PKN2: variants seen among roughly 807,000 people sequenced by gnomAD.
PKN2 encodes the protein serine/threonine-protein kinase N2.
Under a neutral mutation model 119.1 loss-of-function variants are expected in PKN2, and 38 were observed. The ratio of observed to expected loss-of-function variants is 0.32; its 90% confidence interval spans 0.25 to 0.42. PKN2 has a LOEUF of 0.42. PKN2 is among the 10% of genes least tolerant of loss of function. The pLI is 1.00. For synonymous variants in PKN2, 390 were observed against 384.9 expected, an observed-to-expected ratio of 1.01 and a Z score of -0.15; for missense variants, 850 against 1,165.1, an observed-to-expected ratio of 0.73 and a Z score of 3.94.
chr1:88,735,931 G>A (rs1668330839), intron 1 of PKN2, among the ~76,000 whole-genome samples: 1 of 151,980 alleles, frequency 6.6e-6, no homozygotes, highest in Non-Finnish European at 1.5e-5. Context: ...CTTCCCATTT[G>A]TCATTCTCAA....
At chr1:88,756,176 G>A (rs532358702) in intron 2 of PKN2, among the ~76,000 whole-genome samples, 1 of 152,098 alleles carries the variant, frequency 6.6e-6, no homozygotes, top group African/African-American at 2.4e-5. Context: ...GATTACAGGT[G>A]TAAGCCACCA....
In PKN2 at chr1:88,804,442, G is replaced by A. The variant is rs1158212770; in HGVS notation, c.1333G>A (p.Ala445Thr). 1 of 1,613,404 alleles carries A rather than the reference G, an allele frequency of 6.2e-7. No homozygotes were observed. The highest frequency in any genetic ancestry group is 1.1e-5 in the South Asian group (1 of 91,050). Reference protein sequence around the residue: ...VYWRDWRSLCAVKFLRLEDFL... With the variant: ...VYWRDWRSLCTVKFLRLEDFL... ...TTGGCGTGATTGGCGGTCTCTGTGT[G>A]CTGTAAAATTTCTGAGGTTAGAAGA... Residue 445 changes from alanine to threonine, a missense_variant, in exon 9 of 22, where the codon GCT becomes ACT. Coordinates refer to ENST00000370521, the MANE Select transcript of PKN2 (RefSeq NM_006256.4).
chr1:88,818,872 C>T (rs145341050), intron 16 of PKN2, among the ~76,000 whole-genome samples: 10,166 of 152,010 alleles, frequency 0.067, 698 homozygotes, highest in African/African-American at 0.18. Context: ...AGAAATAATG[C>T]CACACATCTA....
At chr1:88,688,080 A>G (rs1465152027) in intron 1 of PKN2, among the ~76,000 whole-genome samples, 7 of 90,136 alleles carry the variant, frequency 7.8e-5, no homozygotes, top group Admixed American at 1.5e-4. Flanking sequence ...GTTTCCCACT[A>G]CACTATTCTT....
rs1417823087 is a variant in PKN2, at chr1:88,741,152, A to G, written c.213A>G (p.Lys71=). The change falls in exon 2 of 22, where the codon AAA becomes AAG. Residue 71 remains lysine (K), a synonymous_variant. Coordinates refer to ENST00000370521, the MANE Select transcript of PKN2 (RefSeq NM_006256.4). Reference sequence around the variant, plus strand: ...AAGAAGGAGCTGAAAATCTGAGGAAAGTCACAACAGATAAAAAAAGTTTGG... The same window carrying G: ...AAGAAGGAGCTGAAAATCTGAGGAAGGTCACAACAGATAAAAAAAGTTTGG... ...KIKEGAENLR[K]VTTDKKSLAY... The G allele has an allele frequency of 6.2e-7, 1 of 1,612,324 alleles. No homozygotes were observed. The highest frequency in any genetic ancestry group is 1.3e-5 in the African/African-American group (1 of 74,828).
intron 1 of PKN2, among the ~76,000 whole-genome samples, chr1:88,704,731 T>C (rs1271571723): frequency 1.5e-5 from 2 of 137,234 alleles, no homozygotes; most frequent in Non-Finnish European, 3.0e-5. Context: ...TAGTGAGAGG[T>C]GATTGCCCCT....
rs577293408 is a variant in PKN2 at position 88,714,939 on chromosome 1, T to C, written c.49-26049T>C. On this transcript the variant is annotated intron_variant, in intron 1 of 21. Transcript: ENST00000370521. ...ATAAATAGCTCTTATTATTTTGAGA[T>C]ACGTCCCATCAATACCTAGTTTATT... Among the ~76,000 whole-genome samples, 552 of 152,336 alleles carry C rather than the reference T, an allele frequency of 3.6e-3. 3 individuals are homozygous for C. Among genetic ancestry groups the C allele is most frequent in the African/African-American group, 0.013 (532 of 41,566 alleles).
chr1:88,804,020 G>T (rs1171021556), intron 8 of PKN2, among the ~76,000 whole-genome samples: 3 of 152,146 alleles, frequency 2.0e-5, no homozygotes, highest in Non-Finnish European at 4.4e-5. Flanking sequence ...AAGCATTGGG[G>T]TAGTAACATA....
At chr1:88,696,688 A>G (rs567379136) in intron 1 of PKN2, among the ~76,000 whole-genome samples, 6 of 152,310 alleles carry the variant, frequency 3.9e-5, no homozygotes, top group African/African-American at 7.2e-5. Context: ...TCTAGTATCA[A>G]TATGGCTTCA....
At chr1:88,822,727 C>T (rs1036955731) in intron 17 of PKN2, among the ~76,000 whole-genome samples, 3 of 151,738 alleles carry the variant, frequency 2.0e-5, no homozygotes, top group South Asian at 2.1e-4. Flanking sequence ...TACAGGTGCC[C>T]GCCACCATGC....
chr1:88,794,485 T>C (rs1357965793), intron 8 of PKN2, among the ~76,000 whole-genome samples: 2 of 152,094 alleles, frequency 1.3e-5, no homozygotes, highest in African/African-American at 4.8e-5. Flanking sequence ...AAGCCTGTAG[T>C]CCTAGCTACT....
chr1:88,762,984 C>T (rs1669507656), intron 3 of PKN2, among the ~76,000 whole-genome samples: 1 of 152,050 alleles, frequency 6.6e-6, no homozygotes, highest in Admixed American at 6.5e-5. Context: ...GTAGAATGTA[C>T]TTCTGATAGT....
chr1:88,833,487 G>T lies in PKN2; in HGVS notation c.*39G>T. 1 of 1,536,302 alleles carries T rather than the reference G, an allele frequency of 6.5e-7. No homozygotes were observed. The highest frequency in any genetic ancestry group is 9.0e-7 in the Non-Finnish European group (1 of 1,112,886). ...GCGAAACCAAGCTGACTCACAAGAAGACCTCTTAAAAATAGCAACCCTTCA... is the reference window on the plus strand; with the variant it reads ...GCGAAACCAAGCTGACTCACAAGAATACCTCTTAAAAATAGCAACCCTTCA... On this transcript the variant is annotated 3_prime_UTR_variant, in exon 22 of 22. Transcript: ENST00000370521.
chr1:88,809,637 G>A (rs1394380699), intron 15 of PKN2, among the ~76,000 whole-genome samples: 4 of 152,160 alleles, frequency 2.6e-5, no homozygotes, highest in Non-Finnish European at 5.9e-5. Flanking sequence ...CCAGTCTTGT[G>A]TAGAGACAGG....
intron 1 of PKN2, among the ~76,000 whole-genome samples, chr1:88,734,630 G>A (rs1322445710): frequency 6.6e-6 from 1 of 151,978 alleles, no homozygotes; most frequent in East Asian, 1.9e-4. Context: ...GTAGTATGAT[G>A]CCTCCAGCTT....
chr1:88,717,518 TTC>T (rs1383100857), intron 1 of PKN2, among the ~76,000 whole-genome samples: 5 of 152,040 alleles, frequency 3.3e-5, no homozygotes, highest in African/African-American at 1.2e-4. Context: ...TTCTCTAAAC[TTC>T]TCTTGTTTCA....
At chr1:88,699,847 A>G (rs1666705222) in intron 1 of PKN2, among the ~76,000 whole-genome samples, 1 of 151,806 alleles carries the variant, frequency 6.6e-6, no homozygotes, top group African/African-American at 2.4e-5. Context: ...CAGTGGCGCA[A>G]TCTTTGCTCA....
intron 1 of PKN2, among the ~76,000 whole-genome samples, chr1:88,701,181 T>C (rs1042123507): frequency 1.3e-5 from 2 of 152,184 alleles, no homozygotes; most frequent in Non-Finnish European, 1.5e-5. Context: ...CAGTGGCTCA[T>C]GCCTGTAATC....
At chr1:88,772,532 T>C (rs1442077484) in intron 6 of PKN2, among the ~76,000 whole-genome samples, 1 of 152,208 alleles carries the variant, frequency 6.6e-6, no homozygotes, top group Non-Finnish European at 1.5e-5. Context: ...GTCCCAAGGA[T>C]TTCAGATAAG....
Sources: allele counts gnomAD v4.1 joint callset (sites outside exome capture counted in the v4.1 genomes callset), GRCh38; gene constraint gnomAD v4.1.1; transcripts MANE v1.5; gene names NCBI Gene and HGNC (gene_info 2026-07-23, HGNC 2026-07-21).